Variants in SREBF2 observed in about 807,000 individuals in gnomAD.
The protein encoded by SREBF2 is sterol regulatory element-binding protein 2.
Under a neutral mutation model 113.1 loss-of-function variants are expected in SREBF2, and 55 were observed. The observed-to-expected ratio is 0.49, with a 90% confidence interval of 0.39 to 0.61. The LOEUF is 0.61. SREBF2 is among the 20% of genes least tolerant of loss of function. The pLI, the probability that SREBF2 is intolerant of heterozygous loss-of-function variation, is 0.00. For missense variants in SREBF2, 1,349 were observed against 1,487.4 expected, an observed-to-expected ratio of 0.91 and a Z score of 1.53; for synonymous variants, 593 against 605.7, an observed-to-expected ratio of 0.98 and a Z score of 0.31.
chr22:41,833,488 G>C lies in SREBF2; in HGVS notation c.88+130G>C. On this transcript the variant is annotated intron_variant, in intron 1 of 18. Coordinates refer to ENST00000361204, the MANE Select transcript of SREBF2 (RefSeq NM_004599.4). This position sits in a 1 kb window ranked among gnomAD's most constrained non-coding sequence, Gnocchi z 4.1. ...GCGGGAAGAACCCCGTGCGCACGGT[G>C]CCCCCGGCGGTCCTCAACCCTTCCG... The C allele has an allele frequency of 1.4e-6, 1 of 720,420 alleles. No homozygotes were observed. The allele number at this position is 720,420 out of a possible 1,614,324, so 44.6% of individuals were successfully genotyped here.
In SREBF2 at chr22:41,898,756, A is replaced by G. The variant is rs895091436; in HGVS notation, c.2713A>G (p.Ile905Val). The change falls in exon 15 of 19, where the codon ATC becomes GTC. Residue 905 changes from isoleucine (I) to valine (V), a missense_variant. Ile to Val is a conservative substitution (Grantham distance 29, BLOSUM62 3). Transcript: ENST00000361204. ...CTCTCATTTTACCAAAGTGGAACGCATCCCCAAGGCCCTGGAAGTGACAGA... is the reference window on the plus strand; with the variant it reads ...CTCTCATTTTACCAAAGTGGAACGCGTCCCCAAGGCCCTGGAAGTGACAGA... Reference protein sequence around the residue: ...VRSHFTKVERIPKALEVTESP... With the variant: ...VRSHFTKVERVPKALEVTESP... The G allele has an allele frequency of 3.1e-6, 5 of 1,614,122 alleles. No individual in the cohort carries two copies. Among genetic ancestry groups the G allele is most frequent in the Non-Finnish European group, 4.2e-6 (5 of 1,180,004 alleles).
intron 16 of SREBF2, 41 bp from the exon 17 acceptor site, chr22:41,902,929 G>T: frequency 6.3e-7 from 1 of 1,583,518 alleles, no homozygotes; most frequent in Non-Finnish European, 8.6e-7. Context: ...TCAGGGATGG[G>T]CCAGTCACCT....
chr22:41,875,730 G>A lies in SREBF2; in HGVS notation c.1386+6G>A, dbSNP rs757364587. 2.4e-5 allele frequency: 38 copies of A among 1,613,976 alleles called. 1 individual carries two copies. In the South Asian group the frequency reaches 4.2e-4, roughly 18 times the overall value. On this transcript the variant is annotated splice_donor_region_variant and intron_variant, in intron 7 of 18. Coordinates refer to ENST00000361204, the MANE Select transcript of SREBF2 (RefSeq NM_004599.4). ...CTCTATTGGATGATGCAAAGGTACA[G>A]ACTTTTGAAATCTCCTGATCCCTGG... is the stretch of plus-strand genomic sequence containing the variant.
At chr22:41,902,903 T>G in intron 16 of SREBF2, 67 bp from the exon 17 acceptor site, 1 of 1,523,912 alleles carries the variant, frequency 6.6e-7, no homozygotes, top group Non-Finnish European at 8.9e-7. Flanking sequence ...GCCTGGTAGG[T>G]GCTAGGATCC....
chr22:41,896,045 G>A (rs1038183571), intron 13 of SREBF2, among the ~76,000 whole-genome samples: 6 of 151,948 alleles, frequency 3.9e-5, no homozygotes, highest in African/African-American at 7.2e-5. Flanking sequence ...GGAGGCTGAG[G>A]CAGGAGAATG....
intron 15 of SREBF2, chr22:41,899,440 C>G: frequency 1.0e-6 from 1 of 997,510 alleles, no homozygotes; most frequent in Non-Finnish European, 1.2e-6. Context: ...CTAAGAGAAA[C>G]TGTAAAATGC....
intron 1 of SREBF2, among the ~76,000 whole-genome samples, chr22:41,835,600 G>A (rs1018466535): frequency 1.3e-4 from 20 of 151,848 alleles, no homozygotes; most frequent in African/African-American, 4.6e-4. Context: ...ATGAGCCACT[G>A]TACCTGGCCG....
chr22:41,834,994 G>C (rs1249099441), intron 1 of SREBF2, among the ~76,000 whole-genome samples: 1 of 151,992 alleles, frequency 6.6e-6, no homozygotes, highest in Non-Finnish European at 1.5e-5. Context: ...GCCCAGGGTG[G>C]TTCATTAATT....
intron 1 of SREBF2, among the ~76,000 whole-genome samples, chr22:41,849,141 T>G (rs539416819): frequency 6.6e-6 from 1 of 152,284 alleles, no homozygotes; most frequent in East Asian, 1.9e-4. Context: ...CATGTATCCC[T>G]TTTTATCCTA....
chr22:41,877,243 A>G lies in SREBF2; in HGVS notation c.1401A>G (p.Pro467=), dbSNP rs750864852. ...TTGTTTTGAAGGTCAAAGATGAGCC[A>G]GACTCTCCTCCTGTGGCGCTGGGCA... ...LLDDAKVKDE[P]DSPPVALGMV... is the part of the protein sequence containing the mutation. Residue 467 remains proline (P), a synonymous_variant, in exon 8 of 19, where the codon CCA becomes CCG. Coordinates refer to ENST00000361204, the MANE Select transcript of SREBF2 (RefSeq NM_004599.4). 1 of 1,614,126 alleles carries G rather than the reference A, an allele frequency of 6.2e-7. No homozygotes were observed. Among genetic ancestry groups the G allele is most frequent in the African/African-American group, 1.3e-5 (1 of 74,940 alleles).
chr22:41,873,699 G>A, intron 4 of SREBF2, 99 bp from the exon 5 acceptor site: 1 of 1,200,868 alleles, frequency 8.3e-7, no homozygotes, highest in Non-Finnish European at 1.2e-6. Context: ...GTACTGCCAG[G>A]TCTGGCAGCA....
chr22:41,848,625 G>C (rs941126797), intron 1 of SREBF2, among the ~76,000 whole-genome samples: 12 of 152,134 alleles, frequency 7.9e-5, no homozygotes, highest in Admixed American at 5.9e-4. Flanking sequence ...ACTCCTAGGA[G>C]GAAGCACCTC....
At chr22:41,881,927 C>T (rs1035483686) in intron 10 of SREBF2, among the ~76,000 whole-genome samples, 7 of 151,932 alleles carry the variant, frequency 4.6e-5, no homozygotes, top group Non-Finnish European at 8.8e-5. Flanking sequence ...CAAAAATTAG[C>T]CAGGCTTGGT....
rs1040400374 is a variant in SREBF2, at chr22:41,833,430, G to T, written c.88+72G>T. 8.1e-6 allele frequency: 11 copies of T among 1,362,496 alleles called. No individual in the cohort carries two copies. Among genetic ancestry groups the T allele is most frequent in the Non-Finnish European group, 1.1e-5 (11 of 996,884 alleles). 84.4% of individuals were successfully genotyped at this position (1,362,496 alleles called of 1,614,324 possible). A position where few individuals can be genotyped will look rare whatever the true frequency, so the allele number is the denominator to read the frequency against. On this transcript the variant is annotated intron_variant, in intron 1 of 18. Transcript: ENST00000361204. The surrounding 1 kb of genome is among the most constrained non-coding windows in gnomAD (Gnocchi z 4.1). ...GGGTTACGGCGGCGCGCCCGGGTGCGCGTGCGCCCACCCCCCGACAGCCCC... is the reference window on the plus strand; with the variant it reads ...GGGTTACGGCGGCGCGCCCGGGTGCTCGTGCGCCCACCCCCCGACAGCCCC...
intron 3 of SREBF2, among the ~76,000 whole-genome samples, chr22:41,870,268 C>T (rs1023073948): frequency 1.3e-5 from 2 of 152,204 alleles, no homozygotes; most frequent in Admixed American, 6.5e-5. Flanking sequence ...CCACCCTACC[C>T]ATCTCTGCTC....
intron 11 of SREBF2, among the ~76,000 whole-genome samples, chr22:41,888,569 A>G (rs1047982256): frequency 3.9e-5 from 6 of 152,212 alleles, no homozygotes; most frequent in Non-Finnish European, 7.3e-5. Context: ...TTTAGTGACT[A>G]ACGATGAATC....
intron 13 of SREBF2, among the ~76,000 whole-genome samples, chr22:41,895,240 C>T (rs59597628): frequency 0.029 from 4,326 of 150,392 alleles, 196 homozygotes; most frequent in African/African-American, 0.1. Context: ...CCTGGGTTCA[C>T]GCCATTCTTC....
At chr22:41,904,460 C>T (rs1170098422) in intron 17 of SREBF2, 2 of 422,608 alleles carry the variant, frequency 4.7e-6, no homozygotes, top group Non-Finnish European at 9.5e-6. Flanking sequence ...GGATACCAAA[C>T]CTCTCTGGTA....
intron 7 of SREBF2, among the ~76,000 whole-genome samples, chr22:41,876,153 C>G (rs773501624): frequency 6.6e-6 from 1 of 152,220 alleles, no homozygotes; most frequent in Non-Finnish European, 1.5e-5. Context: ...TGCAGTCTAA[C>G]AGATAACATT....
Sources: gnomAD v4.1 joint callset for allele counts (sites outside exome capture counted in the v4.1 genomes callset) on GRCh38, gnomAD v4.1.1 for gene constraint, Gnocchi (gnomAD v3.1) non-coding constraint, MANE v1.5 for transcripts, NCBI Gene and HGNC (gene_info 2026-07-23, HGNC 2026-07-21) for gene names.